The following SETD7 variants were observed in gnomAD, a reference collection of about 807,000 sequenced individuals.
The protein encoded by SETD7 is SET domain containing 7, histone lysine methyltransferase.
SETD7 carries 16 observed loss-of-function variants against 41.8 expected under a neutral mutation model. The observed-to-expected ratio is 0.38, with a 90% CI of 0.26 to 0.58. The LOEUF (loss-of-function observed/expected upper bound fraction) is 0.58, where lower values mean the gene tolerates loss of function less well. Ranked by LOEUF, SETD7 falls within the 20% of genes least tolerant of loss-of-function variation. The probability of loss-of-function intolerance (pLI) is 0.64; values close to 1 mark genes in which losing one functional copy is unlikely to be tolerated. For synonymous variants in SETD7, 163 were observed against 169.7 expected (o/e 0.96, Z 0.31); for missense variants, 346 against 459.7 (o/e 0.75, Z 2.26).
At chr4:139,545,008 T>C (rs965799728) in intron 2 of SETD7, among the ~76,000 whole-genome samples, 1 of 151,948 alleles carries the variant, frequency 6.6e-6, no homozygotes, top group African/African-American at 2.4e-5. Flanking sequence ...TCCTTGGAGA[T>C]GAAGGAGACA....
Position 139,521,479 on chromosome 4 carries a change from C to T in SETD7, c.645-1085G>A, listed in dbSNP as rs185592492. ...AATTACGGAACTGGATTTAACCAGA[C>T]GCTGGGATGGAATGACCCTACAGGA... On this transcript the variant is annotated intron_variant, in intron 5 of 7. Transcript: ENST00000274031. 3.2e-4 allele frequency among the ~76,000 whole-genome samples: 48 copies of T among 151,962 alleles called. 1 individual carries two copies. The East Asian group carries it at 7.4e-3, about 23-fold the overall frequency.
intron 2 of SETD7, among the ~76,000 whole-genome samples, chr4:139,534,472 C>T (rs937919890): frequency 1.7e-4 from 26 of 152,158 alleles, no homozygotes; most frequent in African/African-American, 5.8e-4. Context: ...ACTGCAGCCT[C>T]GACCTCCTGG....
At chr4:139,503,635 C>G (rs1315979487), downstream of SETD7, among the ~76,000 whole-genome samples, 1 of 150,554 alleles carries the variant, frequency 6.6e-6, no homozygotes, top group African/African-American at 2.4e-5. Flanking sequence ...GATAAATTCT[C>G]TAAACTGATT....
intron 7 of SETD7, among the ~76,000 whole-genome samples, chr4:139,513,126 T>A (rs1370033154): frequency 6.6e-6 from 1 of 151,848 alleles, no homozygotes; most frequent in Non-Finnish European, 1.5e-5. Context: ...CTAAGTTAGA[T>A]TGGTGCTTGG....
At position 139,550,550 on chromosome 4, in the gene SETD7, A is replaced by C. The variant is rs562684860; in HGVS notation, c.41-3501T>G. Among the ~76,000 whole-genome samples, 9 of 152,348 alleles carry C rather than the reference A, an allele frequency of 5.9e-5. No homozygotes were observed. In the South Asian group the frequency reaches 1.9e-3, roughly 32 times the overall value. On this transcript the variant is annotated intron_variant, in intron 1 of 7. Transcript: ENST00000274031. ...AGTAGAACTTTATGTCTAAAACAGC[A>C]GCCACAACCAAAACAATAACAGAGA... is the stretch of plus-strand genomic sequence containing the variant.
intron 7 of SETD7, among the ~76,000 whole-genome samples, chr4:139,513,813 T>C (rs1178462535): frequency 6.6e-6 from 1 of 152,212 alleles, no homozygotes; most frequent in East Asian, 1.9e-4. Flanking sequence ...GAAAGCACCT[T>C]ATACAGTGCC....
At position 139,533,967 on chromosome 4, in the gene SETD7, A is replaced by T. The variant is rs189255436; in HGVS notation, c.171-601T>A. On this transcript the variant is annotated intron_variant, in intron 2 of 7. Coordinates refer to ENST00000274031, the MANE Select transcript of SETD7 (RefSeq NM_030648.4). ...TTTATTTAAGTATATCTATATATCTATGTATGTATGTATGTATGTATGTAT... is the reference window on the plus strand; with the variant it reads ...TTTATTTAAGTATATCTATATATCTTTGTATGTATGTATGTATGTATGTAT... Among the ~76,000 whole-genome samples, 139 of 146,388 alleles carry T rather than the reference A, an allele frequency of 9.5e-4. 1 individual carries two copies. Among genetic ancestry groups the T allele is most frequent in the South Asian group, 4.8e-3 (23 of 4,798 alleles).
chr4:139,526,759 A>T (rs1579210957), intron 4 of SETD7, among the ~76,000 whole-genome samples: 1 of 152,156 alleles, frequency 6.6e-6, no homozygotes, highest in African/African-American at 2.4e-5. Context: ...GTGATTCTTA[A>T]GTTTAGGCAC....
intron 7 of SETD7, among the ~76,000 whole-genome samples, chr4:139,515,515 G>A (rs1421330031): frequency 2.0e-5 from 3 of 152,180 alleles, no homozygotes; most frequent in Non-Finnish European, 4.4e-5. Flanking sequence ...ATTTATGATT[G>A]TTTGTTACCA....
At chr4:139,504,025 A>G (rs185156771), downstream of SETD7, among the ~76,000 whole-genome samples, 109 of 152,314 alleles carry the variant, frequency 7.2e-4, no homozygotes, top group African/African-American at 2.5e-3. Context: ...CAAAGCAGAC[A>G]AGCTGAGAAA....
At chr4:139,525,193 C>G (rs765251297) in intron 4 of SETD7, among the ~76,000 whole-genome samples, 17 of 152,204 alleles carry the variant, frequency 1.1e-4, no homozygotes, top group Admixed American at 2.0e-4. Flanking sequence ...TGAATTCCAT[C>G]TAGCTCCTTA....
intron 1 of SETD7, among the ~76,000 whole-genome samples, chr4:139,549,512 A>ATTCCTTCCTTCCTTCCTTCC (rs144848460): frequency 0.12 from 18,165 of 149,760 alleles, 1,334 homozygotes; most frequent in African/African-American, 0.18. Flanking sequence ...ATGAAGAATT[A>ATTCCTTCCTTCCTTCCTTCC]TTCCTTCCTT....
intron 7 of SETD7, among the ~76,000 whole-genome samples, chr4:139,496,962 A>T (rs1726467884): frequency 6.6e-6 from 1 of 152,178 alleles, no homozygotes; most frequent in Non-Finnish European, 1.5e-5. Context: ...ACAGTGGCTT[A>T]TGCCTATAAT....
At chr4:139,521,677 G>A (rs1025628257) in intron 5 of SETD7, among the ~76,000 whole-genome samples, 2 of 152,188 alleles carry the variant, frequency 1.3e-5, no homozygotes, top group African/African-American at 4.8e-5. Context: ...GATACATCCT[G>A]CCCTACTGAC....
At chr4:139,524,582 G>GA (rs1193260920) in intron 4 of SETD7, among the ~76,000 whole-genome samples, 1 of 152,200 alleles carries the variant, frequency 6.6e-6, no homozygotes, top group African/African-American at 2.4e-5. Flanking sequence ...GGTTGACACA[G>GA]AGAGGGCTTC....
intron 7 of SETD7, among the ~76,000 whole-genome samples, chr4:139,515,510 T>C (rs1214931240): frequency 6.6e-6 from 1 of 152,204 alleles, no homozygotes; most frequent in African/African-American, 2.4e-5. Flanking sequence ...GTAGCATTTA[T>C]GATTGTTTGT....
intron 2 of SETD7, among the ~76,000 whole-genome samples, chr4:139,535,218 T>C (rs1256202569): frequency 1.3e-5 from 2 of 152,202 alleles, no homozygotes; most frequent in Non-Finnish European, 2.9e-5. Flanking sequence ...TTTATCTTCA[T>C]TTTTAGGATT....
intron 5 of SETD7, among the ~76,000 whole-genome samples, chr4:139,521,767 C>A (rs941867615): frequency 1.3e-5 from 2 of 152,142 alleles, no homozygotes; most frequent in Non-Finnish European, 2.9e-5. Flanking sequence ...GTGTGAAGGG[C>A]TGGGGCAAAT....
intron 2 of SETD7, among the ~76,000 whole-genome samples, chr4:139,539,388 A>G (rs1314519292): frequency 6.6e-6 from 1 of 152,230 alleles, no homozygotes; most frequent in African/African-American, 2.4e-5. Context: ...GAGCAGCAAC[A>G]AGGAGATGCA....
Sources: allele counts gnomAD v4.1 joint callset (sites outside exome capture counted in the v4.1 genomes callset), GRCh38; gene constraint gnomAD v4.1.1; transcripts MANE v1.5; gene names NCBI Gene and HGNC (gene_info 2026-07-23, HGNC 2026-07-21).